The following EPAS1 variants were observed in gnomAD, a reference collection of about 807,000 sequenced individuals.
EPAS1 encodes the protein endothelial PAS domain protein 1.
A neutral mutation model predicts 87.9 loss-of-function variants in EPAS1; 23 were observed. That is an observed-to-expected ratio of 0.26 (90% CI 0.19 to 0.37). EPAS1 has a LOEUF of 0.37. EPAS1 is among the 10% of genes least tolerant of loss of function. The probability of loss-of-function intolerance (pLI) is 1.00; values close to 1 mark genes in which losing one functional copy is unlikely to be tolerated. For missense variants in EPAS1, 1,138 were observed against 1,120.7 expected, an observed-to-expected ratio of 1.02 and a Z score of -0.22; for synonymous variants, 508 against 444.3, an observed-to-expected ratio of 1.14 and a Z score of -1.80.
chr2:46,372,314 C>G (rs1684643350), intron 7 of EPAS1, among the ~76,000 whole-genome samples: 1 of 152,182 alleles, frequency 6.6e-6, no homozygotes, highest in Admixed American at 6.5e-5. Context: ...ACCCCTGTCT[C>G]TCATTCGTCC....
intron 1 of EPAS1, among the ~76,000 whole-genome samples, chr2:46,331,887 T>G (rs774151946): frequency 4.0e-5 from 6 of 151,440 alleles, no homozygotes; most frequent in Non-Finnish European, 8.8e-5. Context: ...TTCAGGCTGT[T>G]TTTTTTTCCC....
chr2:46,320,700 G>C (rs963910226), intron 1 of EPAS1, among the ~76,000 whole-genome samples: 1 of 152,150 alleles, frequency 6.6e-6, no homozygotes, highest in Non-Finnish European at 1.5e-5. Context: ...CTGTCTGCCC[G>C]TGCCATTATC....
chr2:46,380,139 T>C lies in EPAS1; in HGVS notation c.1555-88T>C. The stretch of plus-strand genomic sequence containing the variant: ...CAGCACTGTGAAACAGTGCTTGAGA[T>C]GAATGGCTCTGCAGGAGCTGAGTTG... On this transcript the variant is annotated intron_variant, in intron 11 of 15. Transcript: ENST00000263734. This position sits in a 1 kb window ranked among gnomAD's most constrained non-coding sequence, Gnocchi z 4.4. The C allele has an allele frequency of 6.3e-7, 1 of 1,594,368 alleles. No homozygotes were observed. The highest frequency in any genetic ancestry group is 1.1e-5 in the South Asian group (1 of 90,880).
intron 1 of EPAS1, among the ~76,000 whole-genome samples, chr2:46,324,390 G>T (rs1427277512): frequency 6.6e-6 from 1 of 152,104 alleles, no homozygotes; most frequent in Non-Finnish European, 1.5e-5. Context: ...TATATGAATT[G>T]CACACCCCAC....
At position 46,381,628 on chromosome 2, in the gene EPAS1, A is replaced by G; in HGVS notation, c.2078A>G (p.Asp693Gly). 6.2e-7 allele frequency: 1 copy of G among 1,613,974 alleles called. No homozygotes were observed. The highest frequency in any genetic ancestry group is 1.1e-5 in the South Asian group (1 of 91,088). Residue 693 changes from aspartate (D) to glycine (G), a missense_variant, in exon 13 of 16, where the codon GAC becomes GGC. Coordinates refer to ENST00000263734, the MANE Select transcript of EPAS1 (RefSeq NM_001430.5). ...AAGGGTTTTGGGGCTCGAGGCCCAG[A>G]CGTGCTGAGTCCGGCCATGGTAGCC... ...SAKGFGARGP[D>G]VLSPAMVALS...
intron 7 of EPAS1, among the ~76,000 whole-genome samples, chr2:46,372,785 A>G (rs533305669): frequency 6.6e-6 from 1 of 152,368 alleles, no homozygotes; most frequent in South Asian, 2.1e-4. Context: ...TGCTTGCTGC[A>G]CTGTTTGATC....
At chr2:46,331,004 A>G (rs772631467) in intron 1 of EPAS1, among the ~76,000 whole-genome samples, 3 of 152,340 alleles carry the variant, frequency 2.0e-5, no homozygotes, top group Middle Eastern at 3.4e-3. Flanking sequence ...CTTCTGTAGC[A>G]ATGGCCTCAA....
At chr2:46,328,133 A>C (rs1388002249) in intron 1 of EPAS1, among the ~76,000 whole-genome samples, 1 of 152,186 alleles carries the variant, frequency 6.6e-6, no homozygotes. Context: ...CAGGTAAAAA[A>C]GAGACTTAAC....
intron 6 of EPAS1, among the ~76,000 whole-genome samples, chr2:46,366,454 T>G (rs1684503585): frequency 1.3e-5 from 2 of 152,318 alleles, no homozygotes; most frequent in East Asian, 1.9e-4. Context: ...AAAGCTGTAT[T>G]TTCTATTTCC....
Position 46,380,063 on chromosome 2 carries a change from A to C in EPAS1, c.1555-164A>C. 1 of 1,095,986 alleles carries C rather than the reference A, an allele frequency of 9.1e-7. No individual in the cohort carries two copies. The highest frequency in any genetic ancestry group is 1.4e-6 in the Non-Finnish European group (1 of 726,210). 67.9% of individuals were successfully genotyped at this position (1,095,986 alleles called of 1,614,324 possible). On this transcript the variant is annotated intron_variant, in intron 11 of 15. Transcript: ENST00000263734. The surrounding 1 kb of genome is among the most constrained non-coding windows in gnomAD (Gnocchi z 4.4). ...ACAAGGTCGTGTACATGACACAGCC[A>C]AGTCTGAGGTTTTCCTGATAGGCCC...
intron 1 of EPAS1, among the ~76,000 whole-genome samples, chr2:46,299,088 C>A (rs1465440899): frequency 1.3e-5 from 2 of 152,216 alleles, no homozygotes; most frequent in Admixed American, 6.5e-5. Context: ...GACCGACTCG[C>A]TAAGGGAGGG....
At chr2:46,355,815 C>A (rs1458828146) in intron 2 of EPAS1, among the ~76,000 whole-genome samples, 2 of 152,224 alleles carry the variant, frequency 1.3e-5, no homozygotes, top group African/African-American at 4.8e-5. Flanking sequence ...GGGACAAGAG[C>A]TGAGTCTATA....
rs150088395 is a variant in EPAS1 at position 46,383,780 on chromosome 2, A to C, written c.2462-729A>C. Among the ~76,000 whole-genome samples the C allele has an allele frequency of 8.0e-4, 122 of 152,362 alleles. 1 individual carries two copies. The highest frequency in any genetic ancestry group is 2.9e-3 in the African/African-American group (119 of 41,584). On this transcript the variant is annotated intron_variant, in intron 15 of 15. Transcript: ENST00000263734. ...AGGGATGGTGAGCAGGTATCCATTG[A>C]TACTGTCCACAGGAGCAGTCAAGCT...
intron 1 of EPAS1, among the ~76,000 whole-genome samples, chr2:46,302,445 G>T (rs534239560): frequency 4.7e-4 from 71 of 151,938 alleles, no homozygotes; most frequent in African/African-American, 1.7e-3. Context: ...TTTGCTTTCA[G>T]TACTAACCAT....
At position 46,375,503 on chromosome 2, in the gene EPAS1, A is replaced by G. The variant is rs75658824; in HGVS notation, c.887-187A>G. ...TCTCACCTCTTTTTCCTATATTTAA[A>G]ATGAAGAGTTGGCTGAGGTGATCCC... is the stretch of plus-strand genomic sequence containing the variant. On this transcript the variant is annotated intron_variant, in intron 7 of 15. Coordinates refer to ENST00000263734, the MANE Select transcript of EPAS1 (RefSeq NM_001430.5). This position sits in a 1 kb window ranked among gnomAD's most constrained non-coding sequence, Gnocchi z 4.1. 1.9e-4 allele frequency: 131 copies of G among 678,142 alleles called. 1 individual carries two copies. The East Asian group carries it at 3.5e-3, about 18-fold the overall frequency. 42.0% of individuals were successfully genotyped at this position (678,142 alleles called of 1,614,324 possible).
In EPAS1 at chr2:46,381,703, C is replaced by A. The variant is rs924683865; in HGVS notation, c.2153C>A (p.Ala718Asp). 1.2e-6 allele frequency: 2 copies of A among 1,613,826 alleles called. No homozygotes were observed. The highest frequency in any genetic ancestry group is 1.1e-5 in the South Asian group (1 of 91,088). Residue 718 changes from alanine (A) to aspartate (D), a missense_variant, in exon 13 of 16, where the codon GCC becomes GAC. Physicochemically the swap from Ala to Asp is moderately radical, Grantham distance 126. Coordinates refer to ENST00000263734, the MANE Select transcript of EPAS1 (RefSeq NM_001430.5). Reference protein sequence around the residue: ...LKRQLEYEEQAFQDLSGGDPP... With the variant: ...LKRQLEYEEQDFQDLSGGDPP... ...CGACAGCTGGAGTATGAAGAGCAAG[C>A]CTTCCAGGACCTGAGCGGGGTGAGT... is the stretch of plus-strand genomic sequence containing the variant.
chr2:46,335,563 T>A (rs973255742), intron 1 of EPAS1: 22 of 152,260 alleles, frequency 1.4e-4, no homozygotes, highest in African/African-American at 5.3e-4. Context: ...TCTAATGTTA[T>A]TACCCAGCCC....
intron 1 of EPAS1, among the ~76,000 whole-genome samples, chr2:46,315,481 C>G (rs980542235): frequency 3.9e-5 from 6 of 152,172 alleles, no homozygotes; most frequent in Non-Finnish European, 5.9e-5. Flanking sequence ...GGATGGCTGC[C>G]CACTGGCCAG....
intron 1 of EPAS1, among the ~76,000 whole-genome samples, chr2:46,325,918 A>C (rs1683552199): frequency 6.6e-6 from 1 of 152,192 alleles, no homozygotes; most frequent in Non-Finnish European, 1.5e-5. Flanking sequence ...TAAATCCTGA[A>C]GAGGGAAAGT....
Sources: gnomAD v4.1 joint callset for allele counts (sites outside exome capture counted in the v4.1 genomes callset) on GRCh38, gnomAD v4.1.1 for gene constraint, Gnocchi (gnomAD v3.1) non-coding constraint, MANE v1.5 for transcripts, NCBI Gene and HGNC (gene_info 2026-07-23, HGNC 2026-07-21) for gene names.